Variants in ARHGAP26 observed in about 807,000 individuals in gnomAD.
ARHGAP26 encodes rho GTPase-activating protein 26.
ARHGAP26 carries 38 observed loss-of-function variants against 104.8 expected under a neutral mutation model. The observed-to-expected ratio is 0.36, with a 90% CI of 0.28 to 0.48. ARHGAP26 has a LOEUF of 0.48. Ranked by LOEUF, ARHGAP26 falls within the 20% of genes least tolerant of loss-of-function variation. ARHGAP26 has a pLI of 0.99. For missense variants in ARHGAP26, 704 were observed against 947.9 expected (o/e 0.74, Z 3.38); for synonymous variants, 341 against 340.0 (o/e 1.00, Z -0.03).
chr5:142,810,859 T>C (rs1330072202), intron 1 of ARHGAP26, among the ~76,000 whole-genome samples: 1 of 152,258 alleles, frequency 6.6e-6, no homozygotes, highest in Admixed American at 6.5e-5. Context: ...CTCTAGTGTT[T>C]GTGTCCTACA....
intron 8 of ARHGAP26, among the ~76,000 whole-genome samples, chr5:142,904,544 A>G (rs557719894): frequency 4.0e-5 from 6 of 148,720 alleles, no homozygotes; most frequent in Middle Eastern, 6.9e-3. Flanking sequence ...AAAAGAGCCA[A>G]GAATACTCAT....
intron 17 of ARHGAP26, among the ~76,000 whole-genome samples, chr5:143,081,947 T>C (rs2150447026): frequency 6.7e-6 from 1 of 149,170 alleles, no homozygotes; most frequent in Admixed American, 6.7e-5. Context: ...GAGGTGGAGC[T>C]TGCAGTGAGC....
intron 20 of ARHGAP26, among the ~76,000 whole-genome samples, chr5:143,174,393 G>C (rs1417104499): frequency 6.6e-6 from 1 of 152,102 alleles, no homozygotes; most frequent in Non-Finnish European, 1.5e-5. Context: ...TAAAGGGAAG[G>C]GGAGTGTGAA....
intron 17 of ARHGAP26, among the ~76,000 whole-genome samples, chr5:143,075,044 G>A (rs917575652): frequency 6.6e-6 from 1 of 152,170 alleles, no homozygotes; most frequent in South Asian, 2.1e-4. Context: ...AGAGAAGTGG[G>A]TTATCATTAG....
At chr5:142,820,494 C>A (rs1438202883) in intron 1 of ARHGAP26, among the ~76,000 whole-genome samples, 3 of 151,962 alleles carry the variant, frequency 2.0e-5, no homozygotes, top group Admixed American at 1.3e-4. Context: ...TTGAACATTG[C>A]CATCCTGGAG....
At chr5:143,117,547 A>C (rs947751428) in intron 17 of ARHGAP26, among the ~76,000 whole-genome samples, 1 of 152,062 alleles carries the variant, frequency 6.6e-6, no homozygotes, top group African/African-American at 2.4e-5. Context: ...CTTCCCACCC[A>C]AAAAAAAGTT....
chr5:143,172,181 C>T (rs533860940), intron 20 of ARHGAP26, among the ~76,000 whole-genome samples: 2 of 152,238 alleles, frequency 1.3e-5, no homozygotes, highest in Admixed American at 6.5e-5. Context: ...AAATTCTGTA[C>T]ATGCATGCGT....
At chr5:142,897,518 C>T (rs1759638601) in intron 6 of ARHGAP26, among the ~76,000 whole-genome samples, 1 of 152,196 alleles carries the variant, frequency 6.6e-6, no homozygotes, top group African/African-American at 2.4e-5. Flanking sequence ...TAGACATGCA[C>T]ATTCTCAGGC....
rs1399251394 is a variant in ARHGAP26 at position 142,894,307 on chromosome 5, C to T, written c.556C>T (p.Gln186Ter). The change falls in exon 6 of 23, where the codon CAG becomes TAG. Residue 186 changes from glutamine to a stop codon, truncating the protein, a stop_gained. Coordinates refer to ENST00000645722, the MANE Select transcript of ARHGAP26 (RefSeq NM_001135608.3). LOFTEE classifies it high-confidence loss of function. Reference protein sequence around the residue: ...EVSLEYVFKVQEVQERKMFEF... With the variant: ...EVSLEYVFKV Reference sequence around the variant, plus strand: ...ATCCCTGGAATATGTCTTCAAGGTGCAGGAAGTCCAAGAGAGAAAGATGTT... The same window carrying T: ...ATCCCTGGAATATGTCTTCAAGGTGTAGGAAGTCCAAGAGAGAAAGATGTT... The T allele has an allele frequency of 3.1e-6, 5 of 1,614,076 alleles. No individual in the cohort carries two copies. The highest frequency in any genetic ancestry group is 3.4e-6 in the Non-Finnish European group (4 of 1,179,968).
intron 1 of ARHGAP26, among the ~76,000 whole-genome samples, chr5:142,862,122 G>T (rs1320657666): frequency 2.6e-5 from 4 of 152,162 alleles, no homozygotes; most frequent in Admixed American, 6.5e-5. Flanking sequence ...CTTTGCTAGA[G>T]AAAGCTAGAA....
At chr5:143,017,949 C>T (rs1011174057) in intron 12 of ARHGAP26, among the ~76,000 whole-genome samples, 3 of 152,288 alleles carry the variant, frequency 2.0e-5, no homozygotes, top group East Asian at 1.9e-4. Flanking sequence ...CCAGAGTGGT[C>T]GATCCGCAGT....
rs540883276 is a variant in ARHGAP26 at position 142,913,214 on chromosome 5, G to C, written c.949G>C (p.Val317Leu). The part of the protein sequence containing the change: ...SGGKGGEDES[V>L]ILKSCTRRKT... ...TTCCCACTAGGGAGAAGATGAATCA[G>C]TTATCCTCAAATCCTGCACACGGCG... Residue 317 changes from valine to leucine, a missense_variant, in exon 10 of 23, where the codon GTT becomes CTT. Physicochemically the swap from Val to Leu is conservative, Grantham distance 32 (BLOSUM62 1). This residue lies in a region of ARHGAP26 where 287 missense variants were observed against 438.8 expected (regional missense o/e 0.65). Coordinates refer to ENST00000645722, the MANE Select transcript of ARHGAP26 (RefSeq NM_001135608.3). 6.2e-7 allele frequency: 1 copy of C among 1,614,176 alleles called. No individual in the cohort carries two copies. Among genetic ancestry groups the C allele is most frequent in the South Asian group, 1.1e-5 (1 of 91,086 alleles).
At chr5:142,826,790 C>T (rs571912406) in intron 1 of ARHGAP26, among the ~76,000 whole-genome samples, 2 of 152,212 alleles carry the variant, frequency 1.3e-5, no homozygotes, top group Non-Finnish European at 2.9e-5. Context: ...AGCCCTCCCA[C>T]CTGCTACTAT....
At chr5:143,220,249 A>T (rs1810962584) in intron 22 of ARHGAP26, among the ~76,000 whole-genome samples, 2 of 152,036 alleles carry the variant, frequency 1.3e-5, no homozygotes, top group South Asian at 4.1e-4. Context: ...TTGATTTGTT[A>T]ATTTTATTCT....
At chr5:142,810,527 G>A (rs752901493) in intron 1 of ARHGAP26, among the ~76,000 whole-genome samples, 6 of 151,990 alleles carry the variant, frequency 3.9e-5, no homozygotes, top group Non-Finnish European at 7.4e-5. Context: ...TTTATTAAGG[G>A]ATTTTGATAG....
intron 21 of ARHGAP26, among the ~76,000 whole-genome samples, chr5:143,211,386 A>G (rs1185900884): frequency 6.6e-6 from 1 of 152,008 alleles, no homozygotes; most frequent in African/African-American, 2.4e-5. Flanking sequence ...ACCCATTCCT[A>G]TTCCTTGGGC....
intron 1 of ARHGAP26, among the ~76,000 whole-genome samples, chr5:142,828,965 A>G (rs115620986): frequency 0.01 from 1,565 of 152,260 alleles, 21 homozygotes; most frequent in African/African-American, 0.036. Flanking sequence ...CACCTGTTAA[A>G]GTGTTTCTGT....
chr5:142,988,861 T>A (rs1051173690), intron 11 of ARHGAP26, among the ~76,000 whole-genome samples: 5 of 152,232 alleles, frequency 3.3e-5, no homozygotes, highest in African/African-American at 1.2e-4. Flanking sequence ...AGAGACAGTT[T>A]GTTATCATTT....
chr5:143,223,531 ACCCATCTCTGCT>A lies in ARHGAP26; in HGVS notation c.*1090_*1101del, dbSNP rs1811432874. The A allele has an allele frequency of 4.3e-6, 1 of 232,002 alleles. No individual in the cohort carries two copies. The highest frequency in any genetic ancestry group is 8.5e-6 in the Non-Finnish European group (1 of 117,166). 14.4% of individuals were successfully genotyped at this position (232,002 alleles called of 1,614,324 possible). ...CTGGTTTCCCCATGTCCTCCCATTC[ACCCATCTCTGCT>A]CCCACCCTTGCCTGCCTCTAACCCA... On this transcript the variant is annotated 3_prime_UTR_variant, in exon 23 of 23. Coordinates refer to ENST00000645722, the MANE Select transcript of ARHGAP26 (RefSeq NM_001135608.3).
Sources: gnomAD v4.1 joint callset for allele counts (sites outside exome capture counted in the v4.1 genomes callset) on GRCh38, gnomAD v4.1.1 for gene constraint, gnomAD v4.1.1 regional missense constraint, MANE v1.5 for transcripts, NCBI Gene and HGNC (gene_info 2026-07-23, HGNC 2026-07-21) for gene names.